The following NDUFA5 variants were observed in gnomAD, a reference collection of about 807,000 sequenced individuals.
NDUFA5 encodes NADH dehydrogenase [ubiquinone] 1 alpha subcomplex subunit 5.
NDUFA5 carries 11 observed loss-of-function variants against 19.8 expected under a neutral mutation model. The observed-to-expected ratio is 0.56, with a 90% CI of 0.35 to 0.92. The LOEUF is 0.92. NDUFA5 is among the 40% of genes least tolerant of loss of function. The pLI is 0.01. For missense variants in NDUFA5, 109 were observed against 134.2 expected (o/e 0.81, Z 0.93); for synonymous variants, 47 against 46.8 (o/e 1.00, Z -0.01).
chr7:123,597,404 T>C, the NDUFA5 span, among the ~76,000 whole-genome samples: 1 of 152,226 alleles, frequency 6.6e-6, no homozygotes, highest in Non-Finnish European at 1.5e-5. Context: ...ATTAGTATTG[T>C]TGTTAATTGC....
chr7:123,558,710 G>A (rs988657331), upstream of NDUFA5, among the ~76,000 whole-genome samples: 8 of 152,280 alleles, frequency 5.3e-5, no homozygotes, highest in South Asian at 4.1e-4. Context: ...GGAAAGGTGG[G>A]TTTGATTGTT....
intron 2 of NDUFA5, among the ~76,000 whole-genome samples, chr7:123,554,343 A>C (rs983550669): frequency 1.3e-5 from 2 of 152,190 alleles, no homozygotes; most frequent in African/African-American, 4.8e-5. Flanking sequence ...CTTACATTTA[A>C]GGCTCGCATT....
the NDUFA5 span, among the ~76,000 whole-genome samples, chr7:123,597,319 C>T: frequency 6.6e-6 from 1 of 152,082 alleles, no homozygotes. Flanking sequence ...TGTTTGTGTT[C>T]AAGGAACCTT....
chr7:123,594,827 G>A, the NDUFA5 span, among the ~76,000 whole-genome samples: 1 of 152,162 alleles, frequency 6.6e-6, no homozygotes, highest in East Asian at 1.9e-4. Flanking sequence ...GAGCTGTCAG[G>A]CAGGGACGTT....
At chr7:123,557,314 C>T (rs1432530818) in intron 2 of NDUFA5, 90 bp downstream of exon 2, 1 of 1,573,178 alleles carries the variant, frequency 6.4e-7, no homozygotes, top group South Asian at 1.1e-5. Context: ...CTTGAAACAT[C>T]TGTATCCCGT....
the NDUFA5 span, among the ~76,000 whole-genome samples, chr7:123,565,266 CTTATTGGTGAGGG>C: frequency 6.6e-6 from 1 of 152,160 alleles, no homozygotes; most frequent in Non-Finnish European, 1.5e-5. Context: ...TGATGGCCAC[CTTATTGGTGAGGG>C]TAATCTTCTT....
the NDUFA5 span, among the ~76,000 whole-genome samples, chr7:123,593,170 C>A: frequency 6.6e-6 from 1 of 152,068 alleles, no homozygotes; most frequent in African/African-American, 2.4e-5. Flanking sequence ...TGTGTCTTTG[C>A]ATGTGAGATG....
the NDUFA5 span, among the ~76,000 whole-genome samples, chr7:123,589,771 A>C: frequency 6.6e-6 from 1 of 152,148 alleles, no homozygotes; most frequent in African/African-American, 2.4e-5. Context: ...AGAGGGCCAC[A>C]ATAAACATAT....
the NDUFA5 span, among the ~76,000 whole-genome samples, chr7:123,587,313 A>G: frequency 6.6e-6 from 1 of 151,694 alleles, no homozygotes; most frequent in East Asian, 1.9e-4. Context: ...GCTATTGTAT[A>G]TGGGATTTTA....
chr7:123,562,502 C>G (rs1798701910), upstream of NDUFA5, among the ~76,000 whole-genome samples: 1 of 152,202 alleles, frequency 6.6e-6, no homozygotes. Flanking sequence ...GCTAGATCTT[C>G]TGGATCTTGC....
the NDUFA5 span, among the ~76,000 whole-genome samples, chr7:123,578,480 C>T: frequency 3.9e-5 from 6 of 151,996 alleles, no homozygotes. Context: ...TTTGTTTCCT[C>T]TATACTTTTA....
chr7:123,542,628 A>G (rs1797981671), intron 4 of NDUFA5, among the ~76,000 whole-genome samples: 1 of 152,084 alleles, frequency 6.6e-6, no homozygotes, highest in South Asian at 2.1e-4. Flanking sequence ...TATAACTAAA[A>G]CTTTTTAAAT....
intron 3 of NDUFA5, among the ~76,000 whole-genome samples, chr7:123,549,370 G>C (rs1798250654): frequency 6.6e-6 from 1 of 152,156 alleles, no homozygotes. Flanking sequence ...CTGGCTATGG[G>C]AGAAAACAAA....
chr7:123,595,882 A>AT, the NDUFA5 span, among the ~76,000 whole-genome samples: 1 of 152,226 alleles, frequency 6.6e-6, no homozygotes, highest in Non-Finnish European at 1.5e-5. Context: ...TCCAAGCTGC[A>AT]TAAAAACAGC....
At chr7:123,550,619 T>C (rs1244993132) in intron 2 of NDUFA5, 33 bp from the exon 3 acceptor site, 2 of 1,283,788 alleles carry the variant, frequency 1.6e-6, no homozygotes, top group South Asian at 1.2e-5. Flanking sequence ...TTTCCATAGG[T>C]TAAAATATTA....
the NDUFA5 span, among the ~76,000 whole-genome samples, chr7:123,589,881 T>C: frequency 2.0e-5 from 3 of 152,300 alleles, no homozygotes; most frequent in African/African-American, 7.2e-5. Context: ...TCCAGATCCT[T>C]GAGGAATCGC....
At chr7:123,565,651 C>T in the NDUFA5 span, among the ~76,000 whole-genome samples, 1 of 152,238 alleles carries the variant, frequency 6.6e-6, no homozygotes, top group East Asian at 1.9e-4. Flanking sequence ...GAAGCCGAGG[C>T]AGATGGATAA....
chr7:123,548,562 AAT>A (rs1167763429), intron 3 of NDUFA5, among the ~76,000 whole-genome samples: 1 of 152,224 alleles, frequency 6.6e-6, no homozygotes, highest in Non-Finnish European at 1.5e-5. Context: ...TGAACACAAA[AAT>A]AAAAATGCAA....
In NDUFA5 at chr7:123,540,897, C is replaced by CGT. The variant is rs1352400198; in HGVS notation, c.*1221_*1222insAC. 5.6e-5 allele frequency: 7 copies of CGT among 124,852 alleles called. No homozygotes were observed. The highest frequency in any genetic ancestry group is 1.9e-4 in the African/African-American group (7 of 36,224). The allele number at this position is 124,852 out of a possible 1,614,324, so 7.7% of individuals were successfully genotyped here. On this transcript the variant is annotated 3_prime_UTR_variant, in exon 5 of 5. Coordinates refer to ENST00000355749, the MANE Select transcript of NDUFA5 (RefSeq NM_005000.5). Reference sequence around the variant, plus strand: ...AAATGTGCGCATGCGCGTGCACACACACACACACACACACACACACACACA... The same window carrying CGT: ...AAATGTGCGCATGCGCGTGCACACACGTACACACACACACACACACACACACA...
Sources: gnomAD v4.1 joint callset for allele counts (sites outside exome capture counted in the v4.1 genomes callset) on GRCh38, gnomAD v4.1.1 for gene constraint, MANE v1.5 for transcripts, NCBI Gene and HGNC (gene_info 2026-07-23, HGNC 2026-07-21) for gene names.